RAB7B: variants seen among roughly 807,000 people sequenced by gnomAD.
The protein encoded by RAB7B is ras-related protein Rab-7b.
chr1:206,001,812 T>C (rs1407651577), intron 1 of RAB7B, among the ~76,000 whole-genome samples: 1 of 152,184 alleles, frequency 6.6e-6, no homozygotes, highest in Non-Finnish European at 1.5e-5. Flanking sequence ...GACTGAGCTG[T>C]TGCCAAGCCC....
chr1:206,000,928 G>A (rs1660880628), intron 1 of RAB7B, among the ~76,000 whole-genome samples: 1 of 152,238 alleles, frequency 6.6e-6, no homozygotes, highest in Non-Finnish European at 1.5e-5. Context: ...CACACAAAAA[G>A]TGCTCAAGAT....
rs1022526873 is a variant in RAB7B at position 205,985,887 on chromosome 1, C to T, written c.397-222G>A. On this transcript the variant is annotated intron_variant, in intron 4 of 5. Transcript: ENST00000617070. ...AACCTCCCAAGTGTCTCTAACTTTACATATAAATGTAGGAGGTGGGAACTG... is the reference window on the plus strand; with the variant it reads ...AACCTCCCAAGTGTCTCTAACTTTATATATAAATGTAGGAGGTGGGAACTG... 4.7e-3 allele frequency among the ~76,000 whole-genome samples: 714 copies of T among 152,242 alleles called. 10 individuals are homozygous for T. Among genetic ancestry groups the T allele is most frequent in the African/African-American group, 0.016 (681 of 41,504 alleles).
chr1:205,984,478 A>T (rs1660554539), intron 5 of RAB7B, among the ~76,000 whole-genome samples: 1 of 152,040 alleles, frequency 6.6e-6, no homozygotes, highest in Admixed American at 6.5e-5. Context: ...ATTCAGAACC[A>T]TTGCTGCGAT....
chr1:205,986,246 A>G (rs916652650), intron 4 of RAB7B, among the ~76,000 whole-genome samples: 3 of 152,238 alleles, frequency 2.0e-5, no homozygotes, highest in Non-Finnish European at 4.4e-5. Flanking sequence ...GCAGGGTCCT[A>G]GGAACAATTA....
intron 1 of RAB7B, among the ~76,000 whole-genome samples, chr1:205,997,712 C>T (rs1385099592): frequency 6.6e-6 from 1 of 152,146 alleles, no homozygotes; most frequent in Non-Finnish European, 1.5e-5. Context: ...GGTTCAGAAA[C>T]CCCTGAAAAA....
chr1:205,983,069 G>T (rs1338148779), intron 5 of RAB7B, among the ~76,000 whole-genome samples: 1 of 152,198 alleles, frequency 6.6e-6, no homozygotes, highest in Non-Finnish European at 1.5e-5. Flanking sequence ...GCACCATCTG[G>T]AAGGCGTGGG....
At chr1:205,987,767 T>C (rs1182608976) in intron 4 of RAB7B, among the ~76,000 whole-genome samples, 1 of 152,116 alleles carries the variant, frequency 6.6e-6, no homozygotes, top group East Asian at 1.9e-4. Flanking sequence ...TTACCTTCTG[T>C]AGAAGGAACA....
Position 205,976,829 on chromosome 1 carries a change from C to A in RAB7B, c.*2022G>T, listed in dbSNP as rs941244234. The A allele has an allele frequency of 5.2e-5, 8 of 152,384 alleles. No individual in the cohort carries two copies. The highest frequency in any genetic ancestry group is 1.9e-4 in the African/African-American group (8 of 41,594). The allele number at this position is 152,384 out of a possible 1,614,324, so 9.4% of individuals were successfully genotyped here. A position where few individuals can be genotyped will look rare whatever the true frequency, so the allele number is the denominator to read the frequency against. Reference sequence around the variant, plus strand: ...TGCAGTGCACAAGCTGCTGCATGCACACCGCACGTGACAATCCAGTCTGCC... The same window carrying A: ...TGCAGTGCACAAGCTGCTGCATGCAAACCGCACGTGACAATCCAGTCTGCC... On this transcript the variant is annotated 3_prime_UTR_variant, in exon 6 of 6. Transcript: ENST00000617070.
chr1:205,986,605 A>T (rs1327137253), intron 4 of RAB7B, among the ~76,000 whole-genome samples: 1 of 152,188 alleles, frequency 6.6e-6, no homozygotes, highest in African/African-American at 2.4e-5. Context: ...GAATGACTAC[A>T]TCTCCACCCA....
At chr1:205,987,554 G>C (rs1370494110) in intron 4 of RAB7B, among the ~76,000 whole-genome samples, 3 of 152,124 alleles carry the variant, frequency 2.0e-5, no homozygotes, top group Non-Finnish European at 4.4e-5. Context: ...TATTACTAAC[G>C]TTAATTACTA....
At chr1:205,986,117 A>C (rs1252975565) in intron 4 of RAB7B, among the ~76,000 whole-genome samples, 2 of 152,322 alleles carry the variant, frequency 1.3e-5, no homozygotes, top group African/African-American at 4.8e-5. Flanking sequence ...CATGAGAGAC[A>C]CCAGCCAGGA....
Position 205,977,878 on chromosome 1 carries a change from C to G in RAB7B, c.*973G>C, listed in dbSNP as rs1660413041. 1.3e-5 allele frequency: 2 copies of G among 152,222 alleles called. No individual in the cohort carries two copies. 9.4% of individuals were successfully genotyped at this position (152,222 alleles called of 1,614,324 possible). On this transcript the variant is annotated 3_prime_UTR_variant, in exon 6 of 6. Coordinates refer to ENST00000617070, the MANE Select transcript of RAB7B (RefSeq NM_001164522.3). Reference sequence around the variant, plus strand: ...TCTAAAATAGCAACTCATCCCACCCCCTGTCACTCTATCCCATTACCCTGT... The same window carrying G: ...TCTAAAATAGCAACTCATCCCACCCGCTGTCACTCTATCCCATTACCCTGT...
chr1:205,993,375 T>A, intron 3 of RAB7B, 45 bp downstream of exon 3: 1 of 397,992 alleles, frequency 2.5e-6, no homozygotes, highest in East Asian at 3.6e-5. Flanking sequence ...TTGGGGGGGA[T>A]TTTCAGTGTA....
chr1:205,989,155 C>A (rs1392020888), intron 4 of RAB7B, among the ~76,000 whole-genome samples: 1 of 152,042 alleles, frequency 6.6e-6, no homozygotes, highest in East Asian at 1.9e-4. Context: ...CTCCTCACCC[C>A]TCCTCCATCC....
chr1:206,000,743 GACTTCAAGCT>G (rs1660878551), intron 1 of RAB7B, among the ~76,000 whole-genome samples: 1 of 152,210 alleles, frequency 6.6e-6, no homozygotes, highest in Non-Finnish European at 1.5e-5. Flanking sequence ...CACCATGGCT[GACTTCAAGCT>G]ACCAGCGTGG....
rs937297023 is a variant in RAB7B at position 205,988,403 on chromosome 1, A to T, written c.397-2738T>A. On this transcript the variant is annotated intron_variant, in intron 4 of 5. Transcript: ENST00000617070. ...CACCACACCTGGCTAATTAAAAAAAATTTTTTTCTTTTGTAGAGATGGGGT... is the reference window on the plus strand; with the variant it reads ...CACCACACCTGGCTAATTAAAAAAATTTTTTTTCTTTTGTAGAGATGGGGT... 3.2e-4 allele frequency among the ~76,000 whole-genome samples: 47 copies of T among 149,036 alleles called. 1 individual carries two copies. The South Asian group carries it at 4.0e-3, about 13-fold the overall frequency.
At chr1:205,998,506 G>A (rs1236970214) in intron 1 of RAB7B, among the ~76,000 whole-genome samples, 2 of 152,354 alleles carry the variant, frequency 1.3e-5, no homozygotes, top group African/African-American at 4.8e-5. Flanking sequence ...CCCTAGGAGA[G>A]TTGGAGGAGG....
chr1:205,997,949 T>A (rs1660830458), intron 1 of RAB7B, among the ~76,000 whole-genome samples: 1 of 152,208 alleles, frequency 6.6e-6, no homozygotes, highest in South Asian at 2.1e-4. Flanking sequence ...GGGCAGGCCA[T>A]CTTCACTATT....
chr1:205,983,813 G>T (rs1297763576), intron 5 of RAB7B: 1 of 152,172 alleles, frequency 6.6e-6, no homozygotes, highest in Non-Finnish European at 1.5e-5. Flanking sequence ...ACAAGCCACT[G>T]TCTACTAACA....
Sources: allele counts gnomAD v4.1 joint callset (sites outside exome capture counted in the v4.1 genomes callset), GRCh38; gene constraint gnomAD v4.1.1; transcripts MANE v1.5; gene names NCBI Gene and HGNC (gene_info 2026-07-23, HGNC 2026-07-21).